The following CNTN5 variants were observed in gnomAD, a reference collection of about 807,000 sequenced individuals.
CNTN5 encodes the protein contactin-5.
A neutral mutation model predicts 129.1 loss-of-function variants in CNTN5; 77 were observed. That is an observed-to-expected ratio of 0.60 (90% confidence interval 0.50 to 0.72). The LOEUF (loss-of-function observed/expected upper bound fraction) is 0.72, where lower values mean the gene tolerates loss of function less well. Among genes scored for constraint, CNTN5 ranks in the 30% least tolerant of loss-of-function variants. CNTN5 has a pLI of 0.00. For synonymous variants in CNTN5, 509 were observed against 465.6 expected (o/e 1.09, Z -1.20); for missense variants, 1,478 against 1,328.8 (o/e 1.11, Z -1.75).
At chr11:99,859,435 TG>T (rs1948139857) in intron 6 of CNTN5, among the ~76,000 whole-genome samples, 1 of 152,226 alleles carries the variant, frequency 6.6e-6, no homozygotes, top group African/African-American at 2.4e-5. Flanking sequence ...TGCTGAGGTT[TG>T]GGTTACGGGT....
chr11:100,172,181 G>A (rs548455129), intron 13 of CNTN5, among the ~76,000 whole-genome samples: 1 of 151,796 alleles, frequency 6.6e-6, no homozygotes, highest in African/African-American at 2.4e-5. Flanking sequence ...AAAACTAATA[G>A]TAGTTACTGT....
intron 9 of CNTN5, 127 bp downstream of exon 9, chr11:100,002,263 AAAG>A (rs750807952): frequency 7.7e-5 from 44 of 570,288 alleles, no homozygotes; most frequent in Non-Finnish European, 1.2e-4. Flanking sequence ...TTATTTTCTA[AAAG>A]AAGGTCAAAT....
At chr11:100,096,705 C>G (rs991826327) in intron 13 of CNTN5, among the ~76,000 whole-genome samples, 1 of 152,106 alleles carries the variant, frequency 6.6e-6, no homozygotes, top group African/African-American at 2.4e-5. Flanking sequence ...TCTGCATATT[C>G]TACCACGGAG....
intron 3 of CNTN5, among the ~76,000 whole-genome samples, chr11:99,645,909 A>G (rs961322345): frequency 1.2e-4 from 19 of 152,162 alleles, no homozygotes; most frequent in Non-Finnish European, 2.5e-4. Context: ...ACAAACCTGC[A>G]AGTTTTGCAC....
intron 3 of CNTN5, among the ~76,000 whole-genome samples, chr11:99,759,750 AG>A (rs1591112588): frequency 1.3e-5 from 2 of 151,926 alleles, no homozygotes; most frequent in East Asian, 3.9e-4. Flanking sequence ...AGAGGGAGGG[AG>A]GCAGAGAGAG....
intron 2 of CNTN5, among the ~76,000 whole-genome samples, chr11:99,534,341 T>C (rs779020934): frequency 1.3e-5 from 2 of 152,210 alleles, no homozygotes; most frequent in Non-Finnish European, 2.9e-5. Flanking sequence ...TGCTTATTGA[T>C]AGTGTCATCG....
intron 6 of CNTN5, among the ~76,000 whole-genome samples, chr11:99,856,170 G>GT (rs1346200411): frequency 2.0e-5 from 3 of 152,102 alleles, no homozygotes; most frequent in Non-Finnish European, 4.4e-5. Flanking sequence ...GTTCTGTTTT[G>GT]TTTTTGTTTT....
chr11:99,892,292 T>C (rs972307627), intron 6 of CNTN5, among the ~76,000 whole-genome samples: 1 of 152,204 alleles, frequency 6.6e-6, no homozygotes, highest in African/African-American at 2.4e-5. Flanking sequence ...TTCACTCTAA[T>C]GACAGTTTCT....
intron 13 of CNTN5, among the ~76,000 whole-genome samples, chr11:100,172,783 G>A (rs751514750): frequency 6.6e-6 from 1 of 152,062 alleles, no homozygotes; most frequent in Non-Finnish European, 1.5e-5. Context: ...GATGGAATCA[G>A]AAAGGCAGAA....
At chr11:99,106,402 A>G (rs963389778) in intron 1 of CNTN5, among the ~76,000 whole-genome samples, 2 of 152,060 alleles carry the variant, frequency 1.3e-5, no homozygotes, top group Admixed American at 1.3e-4. Context: ...GCAGTATTAT[A>G]AAAATTATGA....
intron 3 of CNTN5, among the ~76,000 whole-genome samples, chr11:99,736,872 T>G (rs1943728201): frequency 6.6e-6 from 1 of 152,134 alleles, no homozygotes; most frequent in Non-Finnish European, 1.5e-5. Context: ...CTATCACCTT[T>G]CACAATAAAC....
At chr11:99,305,372 A>G (rs1489716742) in intron 1 of CNTN5, among the ~76,000 whole-genome samples, 1 of 152,208 alleles carries the variant, frequency 6.6e-6, no homozygotes, top group Admixed American at 6.5e-5. Context: ...AAAAGCTGGC[A>G]ATCTGTAAAG....
intron 3 of CNTN5, among the ~76,000 whole-genome samples, chr11:99,594,273 G>A (rs543930259): frequency 9.9e-5 from 15 of 152,282 alleles, no homozygotes; most frequent in African/African-American, 3.6e-4. Flanking sequence ...CACTTTTGCT[G>A]AGTGGAGTGC....
chr11:100,164,124 C>G (rs1447321947), intron 13 of CNTN5, among the ~76,000 whole-genome samples: 1 of 151,822 alleles, frequency 6.6e-6, no homozygotes, highest in African/African-American at 2.4e-5. Flanking sequence ...ATTCATAGAT[C>G]CTTATTGAAT....
chr11:99,611,357 T>A (rs1200131260), intron 3 of CNTN5, among the ~76,000 whole-genome samples: 3 of 152,146 alleles, frequency 2.0e-5, no homozygotes, highest in Non-Finnish European at 4.4e-5. Context: ...CAAACAGATA[T>A]AATTCATCTG....
At chr11:100,257,007 A>G (rs978945643) in intron 17 of CNTN5, among the ~76,000 whole-genome samples, 2 of 152,144 alleles carry the variant, frequency 1.3e-5, no homozygotes, top group African/African-American at 4.8e-5. Flanking sequence ...GGTCTAGCTC[A>G]GCAGATCCCA....
chr11:99,034,252 C>T (rs1348839181), intron 1 of CNTN5, among the ~76,000 whole-genome samples: 2 of 152,084 alleles, frequency 1.3e-5, no homozygotes, highest in Admixed American at 6.6e-5. Context: ...CGTTTCTGCC[C>T]GGCTTTGGTA....
intron 3 of CNTN5, among the ~76,000 whole-genome samples, chr11:99,570,578 T>G: frequency 6.6e-6 from 1 of 152,204 alleles, no homozygotes; most frequent in Admixed American, 6.5e-5. Context: ...ATAATTCATT[T>G]GTCTGTTAAT....
At chr11:99,964,839 C>T (rs562774228) in intron 8 of CNTN5, among the ~76,000 whole-genome samples, 20 of 152,172 alleles carry the variant, frequency 1.3e-4, no homozygotes, top group African/African-American at 4.3e-4. Flanking sequence ...AATTTCAGAG[C>T]CTGTTATTGG....
Sources: gnomAD v4.1 joint callset for allele counts (sites outside exome capture counted in the v4.1 genomes callset) on GRCh38, gnomAD v4.1.1 for gene constraint, MANE v1.5 for transcripts, NCBI Gene and HGNC (gene_info 2026-07-23, HGNC 2026-07-21) for gene names.